TCF12: variants seen among roughly 807,000 people sequenced by gnomAD.
TCF12 encodes transcription factor 12, also known as DNA-binding protein HTF4.
Under a neutral mutation model 86.0 loss-of-function variants are expected in TCF12, and 45 were observed. That is an observed-to-expected ratio of 0.52 (90% CI 0.41 to 0.67). TCF12 has a LOEUF of 0.67. Ranked by LOEUF, TCF12 falls within the 30% of genes least tolerant of loss-of-function variation. TCF12 has a pLI of 0.00. For missense variants in TCF12, 881 were observed against 859.9 expected (o/e 1.02, Z -0.31); for synonymous variants, 330 against 299.6 (o/e 1.10, Z -1.05).
intron 18 of TCF12, among the ~76,000 whole-genome samples, chr15:57,271,659 C>T (rs1361234841): frequency 1.3e-5 from 2 of 152,190 alleles, no homozygotes; most frequent in Non-Finnish European, 1.5e-5. Context: ...AGAAATCACC[C>T]ATCTTCTTCT....
At chr15:56,940,046 G>T in intron 3 of TCF12, among the ~76,000 whole-genome samples, 1 of 145,772 alleles carries the variant, frequency 6.9e-6, no homozygotes, top group Middle Eastern at 3.6e-3. Flanking sequence ...GGGGAAAATG[G>T]CTTGTGTGAT....
chr15:57,263,391 AT>A, intron 18 of TCF12, 117 bp downstream of exon 18: 1 of 1,048,676 alleles, frequency 9.5e-7, no homozygotes, highest in Non-Finnish European at 1.4e-6. Context: ...TTGTGTTAGG[AT>A]TTTTGTGTAT....
At chr15:57,201,700 AGTT>A (rs1258683607) in intron 8 of TCF12, among the ~76,000 whole-genome samples, 4 of 152,180 alleles carry the variant, frequency 2.6e-5, no homozygotes, top group African/African-American at 9.7e-5. Flanking sequence ...AGGCATTTAT[AGTT>A]GTTAAAGTTT....
intron 3 of TCF12, among the ~76,000 whole-genome samples, chr15:57,018,916 G>C (rs1215295141): frequency 6.6e-6 from 1 of 152,208 alleles, no homozygotes; most frequent in Non-Finnish European, 1.5e-5. Context: ...CTCTGATTCT[G>C]TGCTGAGATG....
chr15:56,932,083 A>G (rs1274018808), intron 3 of TCF12, among the ~76,000 whole-genome samples: 2 of 152,128 alleles, frequency 1.3e-5, no homozygotes, highest in Non-Finnish European at 2.9e-5. Context: ...AGCAGACTCT[A>G]TTCTCACTGA....
chr15:57,124,504 T>C (rs772274042), intron 5 of TCF12, among the ~76,000 whole-genome samples: 8 of 152,062 alleles, frequency 5.3e-5, no homozygotes, highest in African/African-American at 9.7e-5. Flanking sequence ...CTGGTTACCA[T>C]GGGTGTTCCA....
chr15:57,199,555 T>G (rs1212734934), intron 8 of TCF12, among the ~76,000 whole-genome samples: 1 of 152,138 alleles, frequency 6.6e-6, no homozygotes, highest in East Asian at 1.9e-4. Flanking sequence ...GTAGGCAAAA[T>G]GGACAGAACA....
chr15:56,998,872 C>T (rs2063858856), intron 3 of TCF12, among the ~76,000 whole-genome samples: 1 of 152,004 alleles, frequency 6.6e-6, no homozygotes, highest in African/African-American at 2.4e-5. Flanking sequence ...AAATCAGTAA[C>T]AGAAAGATAA....
chr15:57,125,137 C>A (rs2051546153), intron 5 of TCF12, among the ~76,000 whole-genome samples: 1 of 152,176 alleles, frequency 6.6e-6, no homozygotes, highest in Admixed American at 6.5e-5. Flanking sequence ...GATAGCCAAG[C>A]TTTCATGCCC....
Position 57,001,004 on chromosome 15 carries a change from T to TA in TCF12, c.149-62738dup, listed in dbSNP as rs1199006233. The stretch of plus-strand genomic sequence containing the variant: ...TTTTATTTTTAAATTTTTAAAAATT[T>TA]AAAAAAAATTTTTTTTTTTTTTTTT... On this transcript the variant is annotated intron_variant, in intron 3 of 20. Transcript: ENST00000333725. Among the ~76,000 whole-genome samples, 609 of 142,992 alleles carry TA rather than the reference T, an allele frequency of 4.3e-3. 7 individuals carry two copies. Among genetic ancestry groups the TA allele is most frequent in the African/African-American group, 5.7e-3 (227 of 39,976 alleles). 93.8% of individuals were successfully genotyped at this position (142,992 alleles called of 152,430 possible).
chr15:57,204,682 G>A (rs1038019734), intron 8 of TCF12, among the ~76,000 whole-genome samples: 2 of 151,878 alleles, frequency 1.3e-5, no homozygotes, highest in Non-Finnish European at 2.9e-5. Flanking sequence ...ATAATCTAGC[G>A]TGCTGCTATA....
intron 5 of TCF12, among the ~76,000 whole-genome samples, chr15:57,110,781 A>C (rs1252941594): frequency 6.6e-6 from 1 of 152,238 alleles, no homozygotes; most frequent in Non-Finnish European, 1.5e-5. Context: ...TAAATGAGGA[A>C]ACTGAAAGTA....
At chr15:57,155,483 T>C (rs1378290573) in intron 5 of TCF12, among the ~76,000 whole-genome samples, 2 of 152,162 alleles carry the variant, frequency 1.3e-5, no homozygotes, top group Admixed American at 6.5e-5. Flanking sequence ...TTTGTCCTCA[T>C]GTAGCAAGAA....
chr15:57,214,253 A>C (rs1320700545), intron 8 of TCF12: 1 of 152,202 alleles, frequency 6.6e-6, no homozygotes, highest in African/African-American at 2.4e-5. Context: ...CTCAGTAATT[A>C]TATAGTTCTG....
chr15:57,192,073 G>C, intron 6 of TCF12, 85 bp from the exon 7 acceptor site: 1 of 1,496,264 alleles, frequency 6.7e-7, no homozygotes, highest in East Asian at 2.3e-5. Context: ...TGCTGAAGTT[G>C]TAAATAATTC....
intron 5 of TCF12, among the ~76,000 whole-genome samples, chr15:57,160,395 A>G (rs1261999413): frequency 6.6e-6 from 1 of 152,184 alleles, no homozygotes; most frequent in East Asian, 1.9e-4. Flanking sequence ...GCATGGAGGT[A>G]ACCACCCCCA....
chr15:56,921,297 G>C (rs951637191), intron 3 of TCF12, among the ~76,000 whole-genome samples, 199 bp downstream of exon 3: 1 of 151,974 alleles, frequency 6.6e-6, no homozygotes, highest in Admixed American at 6.6e-5. Flanking sequence ...CAGTAGTTTC[G>C]TTTACAATTA....
chr15:57,180,846 G>A lies in TCF12; in HGVS notation c.391-11312G>A, dbSNP rs181249385. On this transcript the variant is annotated intron_variant, in intron 6 of 20. Transcript: ENST00000333725. ...TTTTTTTTTTTTGAGATGGAGTCTC[G>A]CTCTGTCGCCCAGGCTGGAGTGCAG... Among the ~76,000 whole-genome samples, 747 of 112,868 alleles carry A rather than the reference G, an allele frequency of 6.6e-3. 9 individuals are homozygous for A. The highest frequency in any genetic ancestry group is 0.026 in the African/African-American group (710 of 27,424). 74.0% of individuals were successfully genotyped at this position (112,868 alleles called of 152,430 possible). A position where few individuals can be genotyped will look rare whatever the true frequency, so the allele number is the denominator to read the frequency against.
At chr15:57,273,294 T>A in intron 19 of TCF12, 32 bp downstream of exon 19, 1 of 1,602,340 alleles carries the variant, frequency 6.2e-7, no homozygotes, top group Non-Finnish European at 8.5e-7. Context: ...GTATAACTGT[T>A]CTGCTTCAGA....
Sources: allele counts gnomAD v4.1 joint callset (sites outside exome capture counted in the v4.1 genomes callset), GRCh38; gene constraint gnomAD v4.1.1; transcripts MANE v1.5; gene names NCBI Gene and HGNC (gene_info 2026-07-23, HGNC 2026-07-21).